The following CTNND2 variants were observed in gnomAD, a reference collection of about 807,000 sequenced individuals.
The protein encoded by CTNND2 is catenin delta-2.
A neutral mutation model predicts 144.4 loss-of-function variants in CTNND2; 22 were observed. The observed-to-expected ratio is 0.15, with a 90% confidence interval of 0.11 to 0.22. The LOEUF (loss-of-function observed/expected upper bound fraction) is 0.22. CTNND2 is among the 10% of genes least tolerant of loss of function. The pLI, the probability that CTNND2 is intolerant of heterozygous loss-of-function variation, is 1.00. For missense variants in CTNND2, 1,353 were observed against 1,618.8 expected, an observed-to-expected ratio of 0.84 and a Z score of 2.82; for synonymous variants, 751 against 695.6, an observed-to-expected ratio of 1.08 and a Z score of -1.25.
At chr5:11,623,816 A>ATATATATATATG (rs1781001312) in intron 2 of CTNND2, among the ~76,000 whole-genome samples, 2 of 54,960 alleles carry the variant, frequency 3.6e-5, no homozygotes, top group Non-Finnish European at 3.9e-5. Context: ...ATGTATATAT[A>ATATATATATATG]TATATATATA....
At chr5:11,564,656 G>A (rs1776934112) in intron 3 of CTNND2, among the ~76,000 whole-genome samples, 1 of 151,238 alleles carries the variant, frequency 6.6e-6, no homozygotes, top group South Asian at 2.1e-4. Flanking sequence ...ACTGTGACTT[G>A]GCATCTCCTG....
chr5:11,057,081 T>A (rs1165902633), intron 16 of CTNND2, among the ~76,000 whole-genome samples: 3 of 152,226 alleles, frequency 2.0e-5, no homozygotes, highest in Admixed American at 2.0e-4. Flanking sequence ...GAAAATCACA[T>A]GCTTTTGCCA....
At chr5:11,864,094 A>G (rs1401506240) in intron 1 of CTNND2, among the ~76,000 whole-genome samples, 5 of 152,050 alleles carry the variant, frequency 3.3e-5, no homozygotes, top group Admixed American at 2.0e-4. Context: ...TCCACGTCCT[A>G]ATTACTGCTT....
chr5:11,035,981 A>G (rs1310189495), intron 16 of CTNND2, among the ~76,000 whole-genome samples: 2 of 152,230 alleles, frequency 1.3e-5, no homozygotes, highest in Admixed American at 6.5e-5. Context: ...AGTAGGGTAC[A>G]AAAATAATGA....
At chr5:11,199,942 C>T (rs1211680344) in intron 10 of CTNND2, among the ~76,000 whole-genome samples, 1 of 152,162 alleles carries the variant, frequency 6.6e-6, no homozygotes, top group Non-Finnish European at 1.5e-5. Context: ...ACATTTCTCT[C>T]CATAAAATAT....
chr5:11,794,020 T>G (rs537011420), intron 1 of CTNND2, among the ~76,000 whole-genome samples: 1 of 152,232 alleles, frequency 6.6e-6, no homozygotes, highest in Non-Finnish European at 1.5e-5. Context: ...GTTTTGTTGT[T>G]TTCTCCACCC....
At chr5:11,722,239 A>T (rs1211893221) in intron 2 of CTNND2, among the ~76,000 whole-genome samples, 1 of 152,226 alleles carries the variant, frequency 6.6e-6, no homozygotes, top group East Asian at 1.9e-4. Context: ...TGAGCCAGGG[A>T]CAAGAATGAA....
chr5:11,590,000 CA>C (rs1779127537), intron 2 of CTNND2, among the ~76,000 whole-genome samples: 1 of 151,414 alleles, frequency 6.6e-6, no homozygotes, highest in Non-Finnish European at 1.5e-5. Flanking sequence ...AGTATTAGTT[CA>C]AATAGGAACT....
intron 9 of CTNND2, among the ~76,000 whole-genome samples, chr5:11,285,501 G>A (rs895594362): frequency 2.0e-5 from 3 of 152,202 alleles, no homozygotes; most frequent in Non-Finnish European, 4.4e-5. Context: ...ACACAAAAGT[G>A]TATGAATACT....
At chr5:11,674,883 G>A (rs1310439273) in intron 2 of CTNND2, among the ~76,000 whole-genome samples, 1 of 152,086 alleles carries the variant, frequency 6.6e-6, no homozygotes, top group East Asian at 1.9e-4. Context: ...ATGCCACCAT[G>A]CCTGGCTAAT....
At position 11,017,560 on chromosome 5, in the gene CTNND2, A is replaced by T. The variant is rs1220578734; in HGVS notation, c.3084+414T>A. Among the ~76,000 whole-genome samples, 45 of 143,390 alleles carry T rather than the reference A, an allele frequency of 3.1e-4. No homozygotes were observed. The Admixed American group carries it at 3.1e-3, about 10-fold the overall frequency. 94.1% of individuals were successfully genotyped at this position (143,390 alleles called of 152,430 possible). On this transcript the variant is annotated intron_variant, in intron 18 of 21. Transcript: ENST00000304623. ...TCTCTTTCCATATATAAAGATATAT[A>T]TACATATATATATATATCTTTCCAT...
intron 9 of CTNND2, among the ~76,000 whole-genome samples, chr5:11,255,263 T>A (rs1580721485): frequency 6.6e-6 from 1 of 152,206 alleles, no homozygotes; most frequent in Non-Finnish European, 1.5e-5. Flanking sequence ...AAAATGTCCA[T>A]GCATCTCAGT....
chr5:11,027,772 T>A (rs533445463), intron 16 of CTNND2, among the ~76,000 whole-genome samples: 1 of 152,188 alleles, frequency 6.6e-6, no homozygotes, highest in Non-Finnish European at 1.5e-5. Flanking sequence ...CACACCAAGG[T>A]ACCCCAAGGG....
In CTNND2 at chr5:11,796,419, A is replaced by T. The variant is rs1159262067; in HGVS notation, c.38-64147T>A. 2.0e-5 allele frequency among the ~76,000 whole-genome samples: 3 copies of T among 152,204 alleles called. No homozygotes were observed. In the South Asian group the frequency reaches 6.2e-4, roughly 32 times the overall value. ...CTGAACAAAGCATATTATGGGCCAC[A>T]TTCTTCCCATAGAGCCTTATCTGAG... On this transcript the variant is annotated intron_variant, in intron 1 of 21. Transcript: ENST00000304623.
intron 2 of CTNND2, among the ~76,000 whole-genome samples, chr5:11,625,389 ATCTCTC>A (rs57148533): frequency 0.038 from 5,381 of 140,456 alleles, 266 homozygotes; most frequent in African/African-American, 0.13. Flanking sequence ...AAACAGAAAA[ATCTCTC>A]TCTCTCTCTC....
intron 9 of CTNND2, among the ~76,000 whole-genome samples, chr5:11,333,047 G>T (rs1561233077): frequency 6.6e-6 from 1 of 152,156 alleles, no homozygotes; most frequent in Non-Finnish European, 1.5e-5. Context: ...GCCTTTATCA[G>T]CAGTGTGAAA....
chr5:11,841,593 C>T (rs1317659841), intron 1 of CTNND2, among the ~76,000 whole-genome samples: 2 of 152,098 alleles, frequency 1.3e-5, no homozygotes, highest in Non-Finnish European at 2.9e-5. Context: ...ACAATAACAG[C>T]TAGTGGTGAG....
At chr5:11,027,041 C>T (rs1461536200) in intron 16 of CTNND2, among the ~76,000 whole-genome samples, 1 of 152,126 alleles carries the variant, frequency 6.6e-6, no homozygotes, top group Non-Finnish European at 1.5e-5. Flanking sequence ...GAGAGAATCA[C>T]GTACCAAAAT....
intron 3 of CTNND2, among the ~76,000 whole-genome samples, chr5:11,481,621 G>A (rs1341069192): frequency 1.3e-5 from 2 of 151,998 alleles, no homozygotes. Flanking sequence ...GGGAGGGAGA[G>A]ACGGAGAGAG....
Sources: allele counts gnomAD v4.1 joint callset (sites outside exome capture counted in the v4.1 genomes callset), GRCh38; gene constraint gnomAD v4.1.1; transcripts MANE v1.5; gene names NCBI Gene and HGNC (gene_info 2026-07-23, HGNC 2026-07-21).